ADAMTSL2: variants seen among roughly 807,000 people sequenced by gnomAD.
The protein encoded by ADAMTSL2 is ADAMTS like 2, also known as ADAMTS-like protein 2.
A neutral mutation model predicts 117.0 loss-of-function variants in ADAMTSL2; 55 were observed. The observed-to-expected ratio is 0.47, with a 90% CI of 0.38 to 0.59. ADAMTSL2 has a LOEUF of 0.59. Ranked by LOEUF, ADAMTSL2 falls within the 20% of genes least tolerant of loss-of-function variation. The pLI, the probability that ADAMTSL2 is intolerant of heterozygous loss-of-function variation, is 0.00. For missense variants in ADAMTSL2, 1,182 were observed against 1,354.5 expected, an observed-to-expected ratio of 0.87 and a Z score of 2.00; for synonymous variants, 572 against 566.4, an observed-to-expected ratio of 1.01 and a Z score of -0.14.
chr9:133,564,156 CAGAG>C (rs533043148), intron 12 of ADAMTSL2, among the ~76,000 whole-genome samples: 2 of 3,664 alleles, frequency 5.5e-4, no homozygotes, highest in Admixed American at 2.8e-3. Flanking sequence ...GGGAGAGAGA[CAGAG>C]AGAAAGGGAG....
At position 133,539,892 on chromosome 9, in the gene ADAMTSL2, A is replaced by G. The variant is rs967352862; in HGVS notation, c.412+19A>G. The stretch of plus-strand genomic sequence containing the variant: ...TACCCGGGTACCTGCCGCCCTGGGG[A>G]CCCACCTTGCAGGGAGCTGACTGAG... On this transcript the variant is annotated intron_variant, in intron 5 of 18. Transcript: ENST00000651351. The G allele has an allele frequency of 1.3e-6, 2 of 1,549,572 alleles. No homozygotes were observed. The highest frequency in any genetic ancestry group is 1.7e-6 in the Non-Finnish European group (2 of 1,146,164).
chr9:133,563,855 G>C (rs1310629019), intron 12 of ADAMTSL2, among the ~76,000 whole-genome samples: 5 of 78,702 alleles, frequency 6.4e-5, no homozygotes, highest in African/African-American at 1.1e-4. Context: ...GAGAGAGAGA[G>C]AGAGAGAGGG....
intron 17 of ADAMTSL2, among the ~76,000 whole-genome samples, chr9:133,573,197 G>T (rs1174680871): frequency 6.6e-6 from 1 of 152,220 alleles, no homozygotes; most frequent in Admixed American, 6.5e-5. Flanking sequence ...ACCCACATTG[G>T]GGGGAGTGTG....
intron 2 of ADAMTSL2, 104 bp downstream of exon 2, chr9:133,536,906 C>T (rs1830066736): frequency 3.9e-6 from 6 of 1,550,534 alleles, no homozygotes; most frequent in Non-Finnish European, 5.3e-6. Flanking sequence ...GGGCACGTGC[C>T]CCAGGTCCCA....
rs960586846 is a variant in ADAMTSL2 at position 133,558,533 on chromosome 9, G to T, written c.1649+2603G>T. On this transcript the variant is annotated intron_variant, in intron 11 of 18. Coordinates refer to ENST00000651351, the MANE Select transcript of ADAMTSL2 (RefSeq NM_014694.4). This position sits in a 1 kb window ranked among gnomAD's most constrained non-coding sequence, Gnocchi z 4.3. ...ACGCGGAGTCCCTCTCCGCAGCCTTGGGGGGAGAGAAGAACAGAGCACTTT... is the reference window on the plus strand; with the variant it reads ...ACGCGGAGTCCCTCTCCGCAGCCTTTGGGGGAGAGAAGAACAGAGCACTTT... 1.3e-3 allele frequency among the ~76,000 whole-genome samples: 203 copies of T among 152,330 alleles called. No homozygotes were observed. Among genetic ancestry groups the T allele is most frequent in the Non-Finnish European group, 2.2e-3 (149 of 68,032 alleles).
At chr9:133,571,574 T>C (rs1334973068) in intron 17 of ADAMTSL2, among the ~76,000 whole-genome samples, 4 of 152,182 alleles carry the variant, frequency 2.6e-5, no homozygotes, top group Non-Finnish European at 2.9e-5. Context: ...CCTCGCCATG[T>C]GCCAGTGGGT....
In ADAMTSL2 at chr9:133,559,372, C is replaced by T. The variant is rs1457314710; in HGVS notation, c.1650-1826C>T. Among the ~76,000 whole-genome samples, 10 of 110,228 alleles carry T rather than the reference C, an allele frequency of 9.1e-5. No individual in the cohort carries two copies. In the East Asian group the frequency reaches 9.5e-4, roughly 10 times the overall value. The allele number at this position is 110,228 out of a possible 152,430, so 72.3% of individuals were successfully genotyped here. A position where few individuals can be genotyped will look rare whatever the true frequency, so the allele number is the denominator to read the frequency against. ...CCCCATTTTTTTTTTTTTTTTGAGA[C>T]GGAGTCACTCTGTTGCTCAGGAGTG... On this transcript the variant is annotated intron_variant, in intron 11 of 18. Transcript: ENST00000651351.
At chr9:133,553,778 G>A (rs35749542) in intron 9 of ADAMTSL2, among the ~76,000 whole-genome samples, 4 of 152,182 alleles carry the variant, frequency 2.6e-5, no homozygotes, top group Non-Finnish European at 4.4e-5. Flanking sequence ...GGCAGCAGGG[G>A]TCTGTGGAGG....
chr9:133,539,118 G>A (rs1394899290), intron 4 of ADAMTSL2, among the ~76,000 whole-genome samples: 1 of 152,178 alleles, frequency 6.6e-6, no homozygotes, highest in East Asian at 1.9e-4. Flanking sequence ...CAGGGAGTGA[G>A]GGGCTGGAGG....
At chr9:133,573,752 G>A (rs1306527815) in intron 17 of ADAMTSL2, 91 bp from the exon 18 acceptor site, 4 of 1,542,062 alleles carry the variant, frequency 2.6e-6, no homozygotes, top group African/African-American at 2.7e-5. Flanking sequence ...GGTGGGGTGG[G>A]GAAGGGGGAG....
At chr9:133,564,958 G>A (rs1022170147) in intron 12 of ADAMTSL2, among the ~76,000 whole-genome samples, 3 of 152,112 alleles carry the variant, frequency 2.0e-5, no homozygotes, top group African/African-American at 7.2e-5. Flanking sequence ...CTGAGCTTTG[G>A]CCGCGGTGGG....
rs775218920 is a variant in ADAMTSL2 at position 133,534,803 on chromosome 9, G to C, written c.-265G>C. The C allele has an allele frequency of 4.4e-5, 65 of 1,485,454 alleles. 1 individual carries two copies. In the Admixed American group the frequency reaches 1.2e-3, roughly 27 times the overall value. The allele number at this position is 1,485,454 out of a possible 1,614,324, so 92.0% of individuals were successfully genotyped here. On this transcript the variant is annotated 5_prime_UTR_variant, in exon 1 of 19. Transcript: ENST00000651351. ...AGGAGGGGAAGGGGAGAGGGAGGCC[G>C]GGCCGCAGCCTCTGCACTCACGCCG...
chr9:133,532,195 C>G (rs1245348579), upstream of ADAMTSL2: 1 of 151,978 alleles, frequency 6.6e-6, no homozygotes, highest in Non-Finnish European at 1.5e-5. Context: ...TCTTTTTTTT[C>G]TCTCTCTTTT....
chr9:133,548,586 GA>G (rs1156241646), intron 9 of ADAMTSL2, among the ~76,000 whole-genome samples: 4 of 151,942 alleles, frequency 2.6e-5, no homozygotes, highest in African/African-American at 9.7e-5. Flanking sequence ...TAGACAGAGG[GA>G]GCAGCTGAGT....
chr9:133,563,040 G>A (rs926615864), intron 12 of ADAMTSL2, among the ~76,000 whole-genome samples: 5 of 152,168 alleles, frequency 3.3e-5, no homozygotes, highest in Non-Finnish European at 5.9e-5. Context: ...GGCTTGCACC[G>A]CCTGGTTGAC....
chr9:133,559,808 G>A (rs34625814), intron 11 of ADAMTSL2, among the ~76,000 whole-genome samples: 29,622 of 152,040 alleles, frequency 0.19, 3,166 homozygotes, highest in African/African-American at 0.27. Context: ...CCCCCAGCCC[G>A]CAGCCCTTCC....
chr9:133,554,752 C>T lies in ADAMTSL2; in HGVS notation c.1276+59C>T. 7.2e-7 allele frequency: 1 copy of T among 1,398,272 alleles called. No individual in the cohort carries two copies. The highest frequency in any genetic ancestry group is 9.5e-7 in the Non-Finnish European group (1 of 1,055,378). The allele number at this position is 1,398,272 out of a possible 1,614,324, so 86.6% of individuals were successfully genotyped here. A position where few individuals can be genotyped will look rare whatever the true frequency, so the allele number is the denominator to read the frequency against. ...CCGGGAGGCAGCCCAGGGAAGGGGG[C>T]CTTGGGGAAGGGGTCTCAGACCCTT... On this transcript the variant is annotated intron_variant, in intron 10 of 18. Transcript: ENST00000651351. This position sits in a 1 kb window ranked among gnomAD's most constrained non-coding sequence, Gnocchi z 5.2.
At chr9:133,541,361 T>C (rs933073306) in intron 7 of ADAMTSL2, among the ~76,000 whole-genome samples, 6 of 151,620 alleles carry the variant, frequency 4.0e-5, no homozygotes, top group African/African-American at 7.3e-5. Flanking sequence ...TGATCTGGGC[T>C]CACTGCAACC....
intron 16 of ADAMTSL2, 65 bp downstream of exon 16, chr9:133,569,643 A>G (rs767122165): frequency 1.4e-4 from 205 of 1,493,726 alleles, no homozygotes; most frequent in Non-Finnish European, 1.7e-4. Flanking sequence ...CAGAGAGGAG[A>G]GCCAGATGGC....
Sources: allele counts gnomAD v4.1 joint callset (sites outside exome capture counted in the v4.1 genomes callset), GRCh38; gene constraint gnomAD v4.1.1; non-coding constraint Gnocchi (gnomAD v3.1); transcripts MANE v1.5; gene names NCBI Gene and HGNC (gene_info 2026-07-23, HGNC 2026-07-21).